ELFN1: variants seen among roughly 807,000 people sequenced by gnomAD.
ELFN1 encodes the protein protein ELFN1.
Under a neutral mutation model 7.6 loss-of-function variants are expected in ELFN1, and 6 were observed. That is an observed-to-expected ratio of 0.79 (90% CI 0.43 to 1.56). The LOEUF (loss-of-function observed/expected upper bound fraction) is 1.56. Among genes scored for constraint, ELFN1 ranks in the 40% most tolerant of loss-of-function variants. ELFN1 has a pLI of 0.01. For missense variants in ELFN1, 1,169 were observed against 1,232.2 expected (o/e 0.95, Z 0.77); for synonymous variants, 657 against 588.1 (o/e 1.12, Z -1.70).
In ELFN1 at chr7:1,745,861, T is replaced by C; in HGVS notation, c.1265T>C (p.Ile422Thr). The C allele has an allele frequency of 6.3e-7, 1 of 1,591,832 alleles. No homozygotes were observed. The highest frequency in any genetic ancestry group is 1.1e-5 in the South Asian group (1 of 88,118). ...ACGGCCACCCACTACATCATGACCA[T>C]CCTGGGCTGCCTCTTCGGCATGGTG... ...PSTATHYIMTILGCLFGMVLV... is the reference protein window; with the variant it reads ...PSTATHYIMTTLGCLFGMVLV... The change falls in exon 4 of 4, where the codon ATC becomes ACC. Residue 422 changes from isoleucine to threonine, a missense_variant. Coordinates refer to ENST00000424383, the MANE Select transcript of ELFN1 (RefSeq NM_001128636.4).
rs1780775193 is a variant in ELFN1 at position 1,746,079 on chromosome 7, A to T, written c.1483A>T (p.Thr495Ser). The part of the protein sequence containing the change: ...QGPLLGPEAV[T>S]RIPYLPAAGE... Reference sequence around the variant, plus strand: ...CCCGCTGCTGGGCCCCGAGGCCGTGACGCGCATCCCTTACCTGCCTGCGGC... The same window carrying T: ...CCCGCTGCTGGGCCCCGAGGCCGTGTCGCGCATCCCTTACCTGCCTGCGGC... Residue 495 changes from threonine (T) to serine (S), a missense_variant, in exon 4 of 4, where the codon ACG becomes TCG. Around this residue, in one of 2 missense-constraint regions of ELFN1, gnomAD observed 914 missense variants for 872.6 expected, o/e 1.05. Coordinates refer to ENST00000424383, the MANE Select transcript of ELFN1 (RefSeq NM_001128636.4). The T allele has an allele frequency of 3.9e-6, 6 of 1,547,108 alleles. No homozygotes were observed. The highest frequency in any genetic ancestry group is 4.4e-6 in the Non-Finnish European group (5 of 1,145,286).
At chr7:1,712,983 C>T (rs1028167262) in intron 3 of ELFN1, among the ~76,000 whole-genome samples, 1 of 152,230 alleles carries the variant, frequency 6.6e-6, no homozygotes, top group Non-Finnish European at 1.5e-5. Flanking sequence ...GGGTACTGCC[C>T]TGAGCATGGA....
In ELFN1 at chr7:1,729,532, G is replaced by A. The variant is rs116859562; in HGVS notation, c.-293-14772G>A. The stretch of plus-strand genomic sequence containing the variant: ...TTTTCTCACCTGGTGGCTGCTTCTA[G>A]GACACAGGAGGCAGGGTGGCCGGCC... On this transcript the variant is annotated intron_variant, in intron 3 of 3. Transcript: ENST00000424383. 4.4e-3 allele frequency among the ~76,000 whole-genome samples: 675 copies of A among 152,334 alleles called. 4 individuals are homozygous for A. Among genetic ancestry groups the A allele is most frequent in the Middle Eastern group, 0.017 (5 of 294 alleles).
rs948210275 is a variant in ELFN1, at chr7:1,736,181, A to G, written c.-293-8123A>G. On this transcript the variant is annotated intron_variant, in intron 3 of 3. Coordinates refer to ENST00000424383, the MANE Select transcript of ELFN1 (RefSeq NM_001128636.4). Reference sequence around the variant, plus strand: ...AGGGCGAGAGCCAAGCTGCAGAGGCAGGCAGACGTTAGCAGTAAACATGAT... The same window carrying G: ...AGGGCGAGAGCCAAGCTGCAGAGGCGGGCAGACGTTAGCAGTAAACATGAT... Among the ~76,000 whole-genome samples, 10 of 152,330 alleles carry G rather than the reference A, an allele frequency of 6.6e-5. No individual in the cohort carries two copies. In the South Asian group the frequency reaches 1.7e-3, roughly 25 times the overall value.
At chr7:1,688,820 T>C (rs1181245025) in intron 2 of ELFN1, among the ~76,000 whole-genome samples, 2 of 152,126 alleles carry the variant, frequency 1.3e-5, no homozygotes, top group East Asian at 3.9e-4. Context: ...TTTCTCTTGT[T>C]ACCCTTTTAT....
intron 3 of ELFN1, among the ~76,000 whole-genome samples, chr7:1,741,917 T>C (rs112329620): frequency 0.011 from 1,668 of 152,212 alleles, 29 homozygotes; most frequent in African/African-American, 0.038. Flanking sequence ...GCCTGCGCAC[T>C]CATGTACACA....
intron 2 of ELFN1, among the ~76,000 whole-genome samples, chr7:1,694,980 A>G (rs1779269299): frequency 6.6e-6 from 1 of 152,188 alleles, no homozygotes; most frequent in Admixed American, 6.5e-5. Flanking sequence ...GCTGGGACAA[A>G]TTCCAGCTCC....
chr7:1,700,103 T>C (rs529764136), intron 2 of ELFN1, among the ~76,000 whole-genome samples: 5 of 152,342 alleles, frequency 3.3e-5, no homozygotes, highest in Admixed American at 2.6e-4. Context: ...CTCTCTGGGA[T>C]TCTCTCCTTC....
intron 3 of ELFN1, among the ~76,000 whole-genome samples, chr7:1,710,616 C>T (rs765569151): frequency 3.3e-5 from 5 of 152,176 alleles, no homozygotes; most frequent in African/African-American, 4.8e-5. Flanking sequence ...AACTGAGGCC[C>T]GGGGGGCCAC....
At chr7:1,700,855 G>A (rs751299643) in intron 2 of ELFN1, among the ~76,000 whole-genome samples, 5 of 152,260 alleles carry the variant, frequency 3.3e-5, no homozygotes, top group Non-Finnish European at 5.9e-5. Context: ...TCGCTGGCGA[G>A]TAATACAGTT....
At chr7:1,733,913 G>A (rs1203433674) in intron 3 of ELFN1, among the ~76,000 whole-genome samples, 2 of 152,166 alleles carry the variant, frequency 1.3e-5, no homozygotes, top group Non-Finnish European at 2.9e-5. Context: ...TTAGCAGGAG[G>A]TCCTGTTCTA....
At position 1,745,870 on chromosome 7, in the gene ELFN1, G is replaced by T. The variant is rs754102885; in HGVS notation, c.1274G>T (p.Cys425Phe). Residue 425 changes from cysteine to phenylalanine, a missense_variant, in exon 4 of 4, where the codon TGC (cysteine) becomes TTC (phenylalanine). Cys to Phe is a radical substitution (Grantham distance 205). This residue lies in a region of ELFN1 where 914 missense variants were observed against 872.6 expected (regional missense o/e 1.05). Coordinates refer to ENST00000424383, the MANE Select transcript of ELFN1 (RefSeq NM_001128636.4). ...ATHYIMTILGCLFGMVLVLGA... is the reference protein window; with the variant it reads ...ATHYIMTILGFLFGMVLVLGA... The stretch of plus-strand genomic sequence containing the variant: ...CACTACATCATGACCATCCTGGGCT[G>T]CCTCTTCGGCATGGTGCTGGTGCTG... The T allele has an allele frequency of 6.3e-7, 1 of 1,592,358 alleles. No individual in the cohort carries two copies.
At chr7:1,721,210 A>G (rs1583367895) in intron 3 of ELFN1, among the ~76,000 whole-genome samples, 1 of 152,240 alleles carries the variant, frequency 6.6e-6, no homozygotes, top group Admixed American at 6.5e-5. Context: ...AGGCAGTTAC[A>G]TGGCTGATCA....
intron 3 of ELFN1, among the ~76,000 whole-genome samples, chr7:1,731,550 G>A (rs1289046779): frequency 6.6e-6 from 1 of 152,248 alleles, no homozygotes; most frequent in Admixed American, 6.5e-5. Context: ...TACTTTTAGA[G>A]TGACAAGAGG....
chr7:1,742,789 C>A (rs1229839050), intron 3 of ELFN1, among the ~76,000 whole-genome samples: 1 of 152,220 alleles, frequency 6.6e-6, no homozygotes, highest in Non-Finnish European at 1.5e-5. Flanking sequence ...GACTCTTCTC[C>A]AGGAGCCGGA....
At chr7:1,734,542 C>T (rs555328339) in intron 3 of ELFN1, among the ~76,000 whole-genome samples, 7 of 152,252 alleles carry the variant, frequency 4.6e-5, no homozygotes, top group Non-Finnish European at 7.4e-5. Flanking sequence ...GAGCCCTCCC[C>T]GCTCTGGTCG....
At position 1,712,532 on chromosome 7, in the gene ELFN1, A is replaced by G. The variant is rs147522883; in HGVS notation, c.-294+3280A>G. 7.5e-3 allele frequency among the ~76,000 whole-genome samples: 1,134 copies of G among 151,668 alleles called. 16 individuals are homozygous for G. Among genetic ancestry groups the G allele is most frequent in the African/African-American group, 0.026 (1,089 of 41,284 alleles). ...CTGCAACCTCCACCTCCAATTTTCA[A>G]GTGATTCTCCTTCCTCAGCCTCCCA... On this transcript the variant is annotated intron_variant, in intron 3 of 3. Transcript: ENST00000424383.
At chr7:1,686,446 G>C (rs1204271617) in intron 1 of ELFN1, among the ~76,000 whole-genome samples, 3 of 151,630 alleles carry the variant, frequency 2.0e-5, no homozygotes, top group Non-Finnish European at 4.4e-5. Context: ...CTAAGTAGCA[G>C]GGACTACAGG....
At chr7:1,693,135 G>T in intron 2 of ELFN1, 2 of 347,950 alleles carry the variant, frequency 5.7e-6, no homozygotes, top group Non-Finnish European at 5.7e-6. Flanking sequence ...CCCAGGAAGT[G>T]ACTGCCCATG....
Sources: allele counts gnomAD v4.1 joint callset (sites outside exome capture counted in the v4.1 genomes callset), GRCh38; gene constraint gnomAD v4.1.1; regional missense constraint gnomAD v4.1.1; transcripts MANE v1.5; gene names NCBI Gene and HGNC (gene_info 2026-07-23, HGNC 2026-07-21).